The following PLEKHA5 variants were observed in gnomAD, a reference collection of about 807,000 sequenced individuals.
PLEKHA5 encodes the protein pleckstrin homology domain containing A5, also known as pleckstrin homology domain-containing family A member 5.
PLEKHA5 carries 55 observed loss-of-function variants against 181.9 expected under a neutral mutation model. The observed-to-expected ratio is 0.30, with a 90% confidence interval of 0.24 to 0.38. PLEKHA5 has a LOEUF of 0.38. Among genes scored for constraint, PLEKHA5 ranks in the 10% least tolerant of loss-of-function variants. The probability of loss-of-function intolerance (pLI) is 1.00; values close to 1 mark genes in which losing one functional copy is unlikely to be tolerated. For missense variants in PLEKHA5, 1,432 were observed against 1,549.5 expected (o/e 0.92, Z 1.27); for synonymous variants, 535 against 529.4 (o/e 1.01, Z -0.15).
intron 3 of PLEKHA5, among the ~76,000 whole-genome samples, chr12:19,208,752 G>C (rs1401732048): frequency 1.3e-5 from 2 of 152,112 alleles, no homozygotes; most frequent in African/African-American, 4.8e-5. Flanking sequence ...CCTATTCTTA[G>C]CTACTTAAGA....
At chr12:19,202,812 T>C (rs144977980) in intron 3 of PLEKHA5, among the ~76,000 whole-genome samples, 18 of 152,016 alleles carry the variant, frequency 1.2e-4, no homozygotes, top group African/African-American at 4.3e-4. Flanking sequence ...GTTTAAGTCA[T>C]GAGCGAGATC....
At chr12:19,260,069 C>G (rs2068007412) in intron 6 of PLEKHA5, among the ~76,000 whole-genome samples, 3 of 151,466 alleles carry the variant, frequency 2.0e-5, no homozygotes, top group Admixed American at 2.0e-4. Context: ...TTGTTTGAGC[C>G]TGATATTTTA....
chr12:19,270,947 A>G (rs111774682), intron 10 of PLEKHA5, among the ~76,000 whole-genome samples: 3 of 152,168 alleles, frequency 2.0e-5, no homozygotes, highest in Non-Finnish European at 2.9e-5. Flanking sequence ...TATTTGTGCT[A>G]TTTTTGTAAA....
At chr12:19,270,621 CTAGT>C (rs1019911607) in intron 10 of PLEKHA5, among the ~76,000 whole-genome samples, 4 of 152,068 alleles carry the variant, frequency 2.6e-5, no homozygotes, top group South Asian at 2.1e-4. Flanking sequence ...TTCAGTATAG[CTAGT>C]TAGAGGAAAT....
chr12:19,351,496 T>C (rs1195184654), intron 25 of PLEKHA5, among the ~76,000 whole-genome samples: 3 of 152,156 alleles, frequency 2.0e-5, no homozygotes, highest in African/African-American at 7.2e-5. Flanking sequence ...CTTTGTTTTG[T>C]TCTGAATCAT....
intron 15 of PLEKHA5, among the ~76,000 whole-genome samples, chr12:19,299,693 A>G (rs1328720862): frequency 6.6e-6 from 1 of 152,164 alleles, no homozygotes; most frequent in African/African-American, 2.4e-5. Context: ...AATTGAGGTA[A>G]TATCTATAAA....
At chr12:19,238,302 GAT>G (rs2061757900) in intron 3 of PLEKHA5, among the ~76,000 whole-genome samples, 1 of 152,118 alleles carries the variant, frequency 6.6e-6, no homozygotes, top group East Asian at 1.9e-4. Context: ...GTATTGAAGT[GAT>G]CTAAATCAGC....
intron 3 of PLEKHA5, among the ~76,000 whole-genome samples, chr12:19,244,315 A>G (rs2063229305): frequency 1.3e-5 from 2 of 151,448 alleles, no homozygotes; most frequent in African/African-American, 2.4e-5. Flanking sequence ...GTTAAAAATT[A>G]TGGTACTCTT....
At chr12:19,271,388 C>T (rs900103058) in intron 10 of PLEKHA5, among the ~76,000 whole-genome samples, 1 of 152,012 alleles carries the variant, frequency 6.6e-6, no homozygotes, top group Non-Finnish European at 1.5e-5. Context: ...TCTTGTAGTC[C>T]CTGCTACTCA....
intron 3 of PLEKHA5, chr12:19,153,224 C>G (rs2040870412): frequency 6.6e-6 from 1 of 152,000 alleles, no homozygotes; most frequent in Non-Finnish European, 1.5e-5. Flanking sequence ...TCTATTTCTA[C>G]TTTAGTAAGA....
At chr12:19,259,953 C>T (rs373735958) in intron 6 of PLEKHA5, among the ~76,000 whole-genome samples, 1 of 151,776 alleles carries the variant, frequency 6.6e-6, no homozygotes, top group Admixed American at 6.6e-5. Flanking sequence ...ACTGGCCTCT[C>T]GTTTTTTCTT....
intron 20 of PLEKHA5, among the ~76,000 whole-genome samples, chr12:19,328,558 AGTGTGTGTGTGTGTGTGTGT>A (rs56041821): frequency 7.1e-6 from 1 of 141,700 alleles, no homozygotes; most frequent in East Asian, 2.1e-4. Flanking sequence ...CTTTCCTAGG[AGTGTGTGTGTGTGTGTGTGT>A]GTGTGTGTGT....
chr12:19,246,898 C>T (rs1055777700), intron 3 of PLEKHA5, among the ~76,000 whole-genome samples: 1 of 151,990 alleles, frequency 6.6e-6, no homozygotes, highest in Non-Finnish European at 1.5e-5. Flanking sequence ...GAAATAGGCC[C>T]CTCACTTTTA....
chr12:19,162,191 A>G (rs1373346034), intron 3 of PLEKHA5, among the ~76,000 whole-genome samples: 2 of 152,148 alleles, frequency 1.3e-5, no homozygotes, highest in Non-Finnish European at 2.9e-5. Context: ...TCCATGGAAT[A>G]CTAGGTTTAT....
At chr12:19,351,707 TAC>T (rs905662677) in intron 25 of PLEKHA5, among the ~76,000 whole-genome samples, 2 of 151,984 alleles carry the variant, frequency 1.3e-5, no homozygotes, top group Non-Finnish European at 1.5e-5. Context: ...AGCAAAAAAA[TAC>T]ATTGTTAGAA....
intron 13 of PLEKHA5, 151 bp downstream of exon 13, chr12:19,287,707 T>G (rs944375551): frequency 1.8e-5 from 11 of 602,536 alleles, no homozygotes; most frequent in Non-Finnish European, 2.9e-5. Context: ...CATCAGAATT[T>G]GAAATCATGT....
At chr12:19,156,981 C>G (rs1355696138) in intron 3 of PLEKHA5, among the ~76,000 whole-genome samples, 1 of 151,364 alleles carries the variant, frequency 6.6e-6, no homozygotes, top group African/African-American at 2.4e-5. Context: ...ATCGCTTGAA[C>G]CCGGGAGCCA....
At chr12:19,152,295 A>C (rs1419369636) in intron 3 of PLEKHA5, 1 of 152,242 alleles carries the variant, frequency 6.6e-6, no homozygotes, top group African/African-American at 2.4e-5. Flanking sequence ...TTTAAACCAC[A>C]AAGTTGCCTA....
At chr12:19,132,917 G>A (rs1423304114) in intron 3 of PLEKHA5, among the ~76,000 whole-genome samples, 3 of 104,258 alleles carry the variant, frequency 2.9e-5, no homozygotes, top group African/African-American at 7.2e-5. Context: ...TGAGTTACGT[G>A]AACATCTTTT....
Sources: gnomAD v4.1 joint callset for allele counts (sites outside exome capture counted in the v4.1 genomes callset) on GRCh38, gnomAD v4.1.1 for gene constraint, MANE v1.5 for transcripts, NCBI Gene and HGNC (gene_info 2026-07-23, HGNC 2026-07-21) for gene names.